TFDP1: variants seen among roughly 807,000 people sequenced by gnomAD.
The protein encoded by TFDP1 is DRTF1-polypeptide 1.
TFDP1 carries 6 observed loss-of-function variants against 48.0 expected under a neutral mutation model. The ratio of observed to expected loss-of-function variants is 0.13; its 90% confidence interval spans 0.07 to 0.25. The LOEUF is 0.25. TFDP1 is among the 10% of genes least tolerant of loss of function. The pLI is 1.00. For synonymous variants in TFDP1, 201 were observed against 211.6 expected (o/e 0.95, Z 0.44); for missense variants, 335 against 543.0 (o/e 0.62, Z 3.81).
chr13:113,592,464 C>T (rs7326929), intron 2 of TFDP1, among the ~76,000 whole-genome samples: 60,639 of 152,156 alleles, frequency 0.4, 12,563 homozygotes, highest in African/African-American at 0.48. Context: ...GCCATGAATC[C>T]TGTTTTTCTA....
At chr13:113,590,135 G>A (rs1279440120) in intron 2 of TFDP1, among the ~76,000 whole-genome samples, 2 of 152,212 alleles carry the variant, frequency 1.3e-5, no homozygotes, top group Non-Finnish European at 2.9e-5. Flanking sequence ...GGCTGTGCGG[G>A]CACTTGGACC....
intron 3 of TFDP1, among the ~76,000 whole-genome samples, chr13:113,611,585 C>T (rs936708027): frequency 1.3e-5 from 2 of 152,246 alleles, no homozygotes; most frequent in African/African-American, 4.8e-5. Flanking sequence ...TTGAAGCCAC[C>T]TCTTCCAGGG....
Position 113,623,666 on chromosome 13 carries a change from T to C in TFDP1, c.186+380T>C, listed in dbSNP as rs780764433. 6.6e-6 allele frequency among the ~76,000 whole-genome samples: 1 copy of C among 152,120 alleles called. No homozygotes were observed. The highest frequency in any genetic ancestry group is 1.5e-5 in the Non-Finnish European group (1 of 67,998). On this transcript the variant is annotated intron_variant, in intron 4 of 11. Transcript: ENST00000375370. The surrounding 1 kb of genome is among the most constrained non-coding windows in gnomAD (Gnocchi z 5.2). The stretch of plus-strand genomic sequence containing the variant: ...TGTGGCCGAGCGTTGGCTGTGGCCC[T>C]CCTGGAGACATCAGGCTGGGAAGCC...
chr13:113,629,210 C>T lies in TFDP1; in HGVS notation c.187-2413C>T, dbSNP rs56768892. On this transcript the variant is annotated intron_variant, in intron 4 of 11. Coordinates refer to ENST00000375370, the MANE Select transcript of TFDP1 (RefSeq NM_007111.5). ...CACCCTTGCCCAGCACTGCATGGGC[C>T]GGATGCCGCGGGGCCTTCCGCAGGG... 5.2e-3 allele frequency among the ~76,000 whole-genome samples: 791 copies of T among 152,288 alleles called. 7 individuals are homozygous for T. The highest frequency in any genetic ancestry group is 0.018 in the African/African-American group (745 of 41,556).
At chr13:113,636,818 G>C (rs368609697) in intron 10 of TFDP1, 118 bp downstream of exon 10, 3 of 1,247,446 alleles carry the variant, frequency 2.4e-6, no homozygotes. Flanking sequence ...ACGTGTGTAG[G>C]GCCAGGAGCA....
intron 2 of TFDP1, among the ~76,000 whole-genome samples, chr13:113,592,447 G>A (rs578260541): frequency 8.5e-4 from 129 of 152,334 alleles, no homozygotes; most frequent in African/African-American, 3.0e-3. Flanking sequence ...GTGAGCCACC[G>A]CGCCTGGCCA....
intron 2 of TFDP1, among the ~76,000 whole-genome samples, chr13:113,589,003 G>T (rs1466797607): frequency 6.7e-6 from 1 of 149,262 alleles, no homozygotes; most frequent in Non-Finnish European, 1.5e-5. Context: ...TGGTAGACTG[G>T]AGGAGAGTGA....
intron 4 of TFDP1, among the ~76,000 whole-genome samples, chr13:113,628,396 C>T (rs1052879751): frequency 5.9e-5 from 9 of 152,376 alleles, no homozygotes; most frequent in Middle Eastern, 3.4e-3. Context: ...GAAGGGAGAC[C>T]CCTTATGACC....
chr13:113,637,312 A>C, intron 10 of TFDP1: 2 of 262,816 alleles, frequency 7.6e-6, no homozygotes, highest in Non-Finnish European at 1.5e-5. Flanking sequence ...GTGTAGATTT[A>C]TTCCCTGAGA....
chr13:113,640,031 C>A, intron 11 of TFDP1, 89 bp from the exon 12 acceptor site: 3 of 969,886 alleles, frequency 3.1e-6, no homozygotes, highest in Non-Finnish European at 4.7e-6. Context: ...CTGTGGGGCA[C>A]AGCCTGTCAT....
At chr13:113,632,993 G>T in intron 5 of TFDP1, 127 bp from the exon 6 acceptor site, 1 of 1,173,824 alleles carries the variant, frequency 8.5e-7, no homozygotes, top group South Asian at 1.5e-5. Context: ...TGTTGGATCT[G>T]CTGCGCCCGT....
intron 2 of TFDP1, among the ~76,000 whole-genome samples, chr13:113,606,552 G>A (rs1259509389): frequency 2.6e-5 from 4 of 152,058 alleles, no homozygotes; most frequent in Non-Finnish European, 4.4e-5. Flanking sequence ...AGCAGGATTA[G>A]GAGGACCACA....
intron 2 of TFDP1, among the ~76,000 whole-genome samples, chr13:113,601,795 A>AGGGG (rs1566644007): frequency 6.6e-6 from 1 of 152,158 alleles, no homozygotes; most frequent in African/African-American, 2.4e-5. Flanking sequence ...GCAGGAGTTG[A>AGGGG]TGGGGGAGCA....
chr13:113,635,902 T>A, intron 8 of TFDP1, 75 bp from the exon 9 acceptor site: 12 of 1,522,290 alleles, frequency 7.9e-6, no homozygotes, highest in Non-Finnish European at 1.1e-5. Flanking sequence ...CAGGGAGGGC[T>A]GTGAGGACCC....
At chr13:113,622,735 T>C (rs1485735066) in intron 3 of TFDP1, among the ~76,000 whole-genome samples, 1 of 152,232 alleles carries the variant, frequency 6.6e-6, no homozygotes, top group African/African-American at 2.4e-5. Flanking sequence ...CACTCCTTCC[T>C]AGGAACAAAT....
chr13:113,632,750 C>T (rs2049370966), intron 5 of TFDP1, among the ~76,000 whole-genome samples: 1 of 152,242 alleles, frequency 6.6e-6, no homozygotes, highest in Admixed American at 6.5e-5. Flanking sequence ...CGCACTCCAG[C>T]CCACGACAGA....
intron 2 of TFDP1, among the ~76,000 whole-genome samples, chr13:113,587,927 G>C (rs1377632628): frequency 6.6e-6 from 1 of 152,170 alleles, no homozygotes; most frequent in East Asian, 1.9e-4. Flanking sequence ...CGCGACCTCA[G>C]CTCACTGTGA....
At chr13:113,612,594 A>G (rs895099103) in intron 3 of TFDP1, among the ~76,000 whole-genome samples, 2 of 152,226 alleles carry the variant, frequency 1.3e-5, no homozygotes, top group African/African-American at 4.8e-5. Context: ...AAATAACAAT[A>G]AAAAAGTTCA....
intron 2 of TFDP1, among the ~76,000 whole-genome samples, chr13:113,591,290 G>A (rs1394291383): frequency 8.0e-5 from 12 of 149,342 alleles, no homozygotes; most frequent in African/African-American, 2.2e-4. Context: ...GCAGTGAGCC[G>A]AGATCACGCC....
Sources: gnomAD v4.1 joint callset for allele counts (sites outside exome capture counted in the v4.1 genomes callset) on GRCh38, gnomAD v4.1.1 for gene constraint, Gnocchi (gnomAD v3.1) non-coding constraint, MANE v1.5 for transcripts, NCBI Gene and HGNC (gene_info 2026-07-23, HGNC 2026-07-21) for gene names.